MICAL3: variants seen among roughly 807,000 people sequenced by gnomAD.
MICAL3 encodes the protein [F-actin]-monooxygenase MICAL3.
In MICAL3, 62 loss-of-function variants were observed where a neutral mutation model predicts 207.4. That is an observed-to-expected ratio of 0.30 (90% CI 0.24 to 0.37). MICAL3 has a LOEUF of 0.37. MICAL3 is among the 10% of genes least tolerant of loss of function. MICAL3 has a pLI of 1.00. For missense variants in MICAL3, 2,368 were observed against 2,635.6 expected, an observed-to-expected ratio of 0.90 and a Z score of 2.22; for synonymous variants, 1,077 against 1,069.3, an observed-to-expected ratio of 1.01 and a Z score of -0.14.
At chr22:17,957,057 T>C (rs1934648484) in intron 1 of MICAL3, among the ~76,000 whole-genome samples, 1 of 152,178 alleles carries the variant, frequency 6.6e-6, no homozygotes, top group Non-Finnish European at 1.5e-5. Context: ...TTCTTTACAT[T>C]TCCTCCCTTT....
rs1921262533 is a variant in MICAL3, at chr22:17,819,104, G to A, written c.3557C>T (p.Ala1186Val). ...CTCAGGTGATTTCTCCTGGGTGGCG[G>A]CAGGGACAGGTGGGAGTTGGGGCCC... The part of the protein sequence containing the change: ...TEGPQLPPVP[A>V]ATQEKSPEER... The change falls in exon 26 of 32, where the codon GCC (alanine) becomes GTC (valine). Residue 1186 changes from alanine to valine, a missense_variant. Ala to Val is a moderately conservative substitution (Grantham distance 64). Transcript: ENST00000441493. 5 of 1,504,890 alleles carry A rather than the reference G, an allele frequency of 3.3e-6. No homozygotes were observed. The highest frequency in any genetic ancestry group is 2.2e-5 in the Admixed American group (1 of 46,254). The allele number at this position is 1,504,890 out of a possible 1,614,324, so 93.2% of individuals were successfully genotyped here.
At chr22:18,010,275 C>T (rs529753879) in intron 1 of MICAL3, among the ~76,000 whole-genome samples, 22 of 150,884 alleles carry the variant, frequency 1.5e-4, no homozygotes, top group African/African-American at 4.2e-4. Flanking sequence ...TCCTTCTCTT[C>T]GCTCCCATTT....
intron 1 of MICAL3, among the ~76,000 whole-genome samples, chr22:17,976,574 TATATATATATATA>T (rs1156899728): frequency 1.2e-4 from 11 of 95,194 alleles, no homozygotes; most frequent in African/African-American, 5.5e-4. Context: ...TATATATATA[TATATATATATATA>T]TATTTTTTTT....
intron 16 of MICAL3, among the ~76,000 whole-genome samples, chr22:17,879,897 T>C (rs2146205433): frequency 6.6e-6 from 1 of 152,306 alleles, no homozygotes; most frequent in South Asian, 2.1e-4. Flanking sequence ...AAGCATAATT[T>C]ACTAAAGGGA....
chr22:17,795,837 G>A (rs1203586391), intron 29 of MICAL3, among the ~76,000 whole-genome samples: 2 of 123,770 alleles, frequency 1.6e-5, no homozygotes, highest in Admixed American at 2.2e-4. Flanking sequence ...GAAGTGGAAG[G>A]GAAAAACCAA....
intron 1 of MICAL3, among the ~76,000 whole-genome samples, chr22:17,977,117 T>C (rs981038404): frequency 6.6e-6 from 1 of 152,148 alleles, no homozygotes; most frequent in Non-Finnish European, 1.5e-5. Context: ...TTAACTACAA[T>C]AGAAACATCT....
chr22:17,879,197 G>A (rs1234074614), intron 16 of MICAL3: 8 of 615,540 alleles, frequency 1.3e-5, no homozygotes, highest in Non-Finnish European at 2.2e-5. Flanking sequence ...CTAGCAAAAA[G>A]AATTCTGGCT....
In MICAL3 at chr22:17,998,557, A is replaced by AT. The variant is rs1475135552; in HGVS notation, c.-75+25723dup. On this transcript the variant is annotated intron_variant, in intron 1 of 31. Transcript: ENST00000441493. ...CATAATAATAATAATAATTATTATT[A>AT]TTATTATTTTTTTTTTGAGATGAAG... Among the ~76,000 whole-genome samples, 93 of 136,584 alleles carry AT rather than the reference A, an allele frequency of 6.8e-4. 2 individuals are homozygous for AT. The highest frequency in any genetic ancestry group is 1.1e-3 in the Non-Finnish European group (68 of 63,476). 89.6% of individuals were successfully genotyped at this position (136,584 alleles called of 152,430 possible).
At position 17,906,853 on chromosome 22, in the gene MICAL3, T is replaced by C. The variant is rs1047309124; in HGVS notation, c.-41A>G. 1 of 1,528,860 alleles carries C rather than the reference T, an allele frequency of 6.5e-7. No individual in the cohort carries two copies. The highest frequency in any genetic ancestry group is 2.1e-5 in the Admixed American group (1 of 46,816). 94.7% of individuals were successfully genotyped at this position (1,528,860 alleles called of 1,614,324 possible). Reference sequence around the variant, plus strand: ...GCACTCCCCAGAGGGGGAGGTGGGATGGCTGTGGGTCCACCTGACACTGTC... The same window carrying C: ...GCACTCCCCAGAGGGGGAGGTGGGACGGCTGTGGGTCCACCTGACACTGTC... On this transcript the variant is annotated 5_prime_UTR_variant, in exon 2 of 32. Transcript: ENST00000441493.
chr22:17,944,471 A>G (rs1933961475), intron 1 of MICAL3, among the ~76,000 whole-genome samples: 1 of 152,190 alleles, frequency 6.6e-6, no homozygotes, highest in Non-Finnish European at 1.5e-5. Flanking sequence ...CTGTTCAAGC[A>G]TATTATTACA....
chr22:17,832,248 A>C (rs1922881975), intron 20 of MICAL3, 141 bp from the exon 21 acceptor site: 3 of 1,127,038 alleles, frequency 2.7e-6, no homozygotes, highest in African/African-American at 1.5e-5. Context: ...GGGAGGAGAG[A>C]GCGGCATCAG....
chr22:18,010,971 GAAGAA>G (rs1050814101), intron 1 of MICAL3, among the ~76,000 whole-genome samples: 16 of 152,222 alleles, frequency 1.1e-4, no homozygotes, highest in Non-Finnish European at 2.2e-4. Flanking sequence ...AAACAAACAG[GAAGAA>G]AAGAAAAGCG....
At chr22:17,959,019 T>TTG (rs1351351158) in intron 1 of MICAL3, among the ~76,000 whole-genome samples, 2 of 139,618 alleles carry the variant, frequency 1.4e-5, no homozygotes, top group African/African-American at 2.7e-5. Context: ...GGTTTTTTTT[T>TTG]TTTTTTTTTT....
chr22:17,832,023 C>T lies in MICAL3; in HGVS notation c.2886G>A (p.Pro962=), dbSNP rs1275619029. ...RLPPSDLGGV[P]WKEAVRIHAL... The stretch of plus-strand genomic sequence containing the variant: ...CATGGATCCGCACGGCCTCCTTCCA[C>T]GGAACACCACCCAGGTCAGATGGGG... The change falls in exon 21 of 32, where the codon CCG becomes CCA. Residue 962 remains proline (P), a synonymous_variant. Coordinates refer to ENST00000441493, the MANE Select transcript of MICAL3 (RefSeq NM_015241.3). The T allele has an allele frequency of 5.0e-6, 8 of 1,606,548 alleles. No individual in the cohort carries two copies. The highest frequency in any genetic ancestry group is 4.5e-5 in the East Asian group (2 of 44,666).
chr22:17,988,229 T>A (rs976595968), intron 1 of MICAL3, among the ~76,000 whole-genome samples: 3 of 152,234 alleles, frequency 2.0e-5, no homozygotes, highest in Non-Finnish European at 4.4e-5. Context: ...CCCAGCATTA[T>A]CCGGGGCGCT....
At chr22:17,860,383 G>C (rs777471470) in intron 19 of MICAL3, 8 of 985,456 alleles carry the variant, frequency 8.1e-6, no homozygotes, top group Non-Finnish European at 9.6e-6. Flanking sequence ...GCAGTGGCGT[G>C]TTCCTTGGCA....
intron 16 of MICAL3, chr22:17,876,865 GGGAGGTTAGGGAGGTTAGGGAGGTTAT>G (rs1928533311): frequency 7.0e-5 from 7 of 99,832 alleles, no homozygotes; most frequent in Non-Finnish European, 1.4e-4. Context: ...ATGGAGGTTA[GGGAGGTTAGGGAGGTTAGGGAGGTTAT>G]GGAGGTTAGG....
chr22:18,004,658 T>C (rs539803567), intron 1 of MICAL3: 25 of 152,436 alleles, frequency 1.6e-4, no homozygotes, highest in African/African-American at 6.0e-4. Flanking sequence ...ATGTGCTAGG[T>C]ACTGTTGGGA....
chr22:17,867,182 T>C (rs28700195), intron 17 of MICAL3, among the ~76,000 whole-genome samples: 33,891 of 152,208 alleles, frequency 0.22, 3,990 homozygotes, highest in East Asian at 0.3. Context: ...TGAATAAATC[T>C]ATTAGAAAGA....
Sources: allele counts gnomAD v4.1 joint callset (sites outside exome capture counted in the v4.1 genomes callset), GRCh38; gene constraint gnomAD v4.1.1; transcripts MANE v1.5; gene names NCBI Gene and HGNC (gene_info 2026-07-23, HGNC 2026-07-21).